Variants in RIMKLA observed in about 807,000 individuals in gnomAD.
The protein encoded by RIMKLA is N-acetylaspartylglutamate synthase A.
A neutral mutation model predicts 32.7 loss-of-function variants in RIMKLA; 14 were observed. The observed-to-expected ratio is 0.43, with a 90% confidence interval of 0.28 to 0.67. The LOEUF is 0.67. RIMKLA is among the 30% of genes least tolerant of loss of function. The pLI is 0.18. For missense variants in RIMKLA, 410 were observed against 519.0 expected (o/e 0.79, Z 2.04); for synonymous variants, 176 against 204.1 (o/e 0.86, Z 1.18).
At chr1:42,409,897 A>T in intron 3 of RIMKLA, 87 bp from the exon 4 acceptor site, 2 of 1,013,350 alleles carry the variant, frequency 2.0e-6, no homozygotes, top group Non-Finnish European at 3.1e-6. Flanking sequence ...GAAAGAACTG[A>T]TGACTTTATG....
At chr1:42,389,155 T>A (rs1293040095) in intron 1 of RIMKLA, among the ~76,000 whole-genome samples, 1 of 152,154 alleles carries the variant, frequency 6.6e-6, no homozygotes, top group African/African-American at 2.4e-5. Flanking sequence ...TATTTGCTGA[T>A]ATGGAAAGGA....
chr1:42,391,538 G>C (rs915945999), intron 1 of RIMKLA, among the ~76,000 whole-genome samples: 1 of 152,136 alleles, frequency 6.6e-6, no homozygotes, highest in Admixed American at 6.6e-5. Flanking sequence ...ACAGGATGCA[G>C]CTTGACTCAG....
rs1241167400 is a variant in RIMKLA, at chr1:42,422,835, A to G, written c.*7861A>G. On this transcript the variant is annotated 3_prime_UTR_variant, in exon 5 of 5. Coordinates refer to ENST00000431473, the MANE Select transcript of RIMKLA (RefSeq NM_173642.4). Reference sequence around the variant, plus strand: ...AACTGTCAAGATGATGGAGGAAAATACTAATGCAGATGGCGTGAGCTTGTC... The same window carrying G: ...AACTGTCAAGATGATGGAGGAAAATGCTAATGCAGATGGCGTGAGCTTGTC... 6.6e-6 allele frequency among the ~76,000 whole-genome samples: 1 copy of G among 152,230 alleles called. No homozygotes were observed. Among genetic ancestry groups the G allele is most frequent in the Non-Finnish European group, 1.5e-5 (1 of 68,038 alleles).
intron 4 of RIMKLA, among the ~76,000 whole-genome samples, chr1:42,413,501 CAAAAAAAAAAAAA>C (rs201462707): frequency 3.4e-4 from 43 of 125,512 alleles, no homozygotes; most frequent in South Asian, 2.8e-4. Context: ...AAGAGTCTCT[CAAAAAAAAAAAAA>C]AAAAAAAAAA....
At chr1:42,388,140 A>G (rs371624517) in intron 1 of RIMKLA, among the ~76,000 whole-genome samples, 1 of 152,166 alleles carries the variant, frequency 6.6e-6, no homozygotes, top group Non-Finnish European at 1.5e-5. Flanking sequence ...AAGCAGATAC[A>G]TAGGGCCTGG....
rs903101413 is a variant in RIMKLA at position 42,380,840 on chromosome 1, C to CCCGGACG, written c.-90_-84dup. 18 of 790,822 alleles carry CCCGGACG rather than the reference C, an allele frequency of 2.3e-5. No individual in the cohort carries two copies. The African/African-American group carries it at 3.4e-4, about 15-fold the overall frequency. 49.0% of individuals were successfully genotyped at this position (790,822 alleles called of 1,614,324 possible). The stretch of plus-strand genomic sequence containing the variant: ...GGGAGCGGAGCCGTGGCGCGCTCGC[C>CCCGGACG]CCGGACGCCGGCCGCCCCTCCGCTC... On this transcript the variant is annotated 5_prime_UTR_variant, in exon 1 of 5. Transcript: ENST00000431473.
intron 1 of RIMKLA, 25 bp from the exon 2 acceptor site, chr1:42,399,379 A>G (rs1189812720): frequency 2.0e-6 from 3 of 1,508,690 alleles, no homozygotes; most frequent in Non-Finnish European, 2.7e-6. Context: ...CAGGCACAGC[A>G]CTCACTGTTG....
At chr1:42,405,924 G>C (rs980630300) in intron 3 of RIMKLA, among the ~76,000 whole-genome samples, 3 of 152,224 alleles carry the variant, frequency 2.0e-5, no homozygotes, top group African/African-American at 7.2e-5. Flanking sequence ...GCATAGATGA[G>C]TCGTGTTGAG....
At position 42,410,100 on chromosome 1, in the gene RIMKLA, A is replaced by G. The variant is rs373051732; in HGVS notation, c.598A>G (p.Ile200Val). 3.2e-5 allele frequency: 51 copies of G among 1,614,104 alleles called. No homozygotes were observed. In the African/African-American group the frequency reaches 5.3e-4, roughly 17 times the overall value. Residue 200 changes from isoleucine (I) to valine (V), a missense_variant, in exon 4 of 5, where the codon ATC (isoleucine) becomes GTC (valine). By Grantham distance (29) the Ile-to-Val change is conservative. Transcript: ENST00000431473. ...CGTGAAGGAGTCCCATGGAAAGGAC[A>G]TCCGGGTGGTGGTGGTAGGGGGCCA... ...KYVKESHGKD[I>V]RVVVVGGQVI... is the part of the protein sequence containing the mutation.
At chr1:42,402,955 T>A (rs1202735698) in intron 2 of RIMKLA, among the ~76,000 whole-genome samples, 1 of 152,134 alleles carries the variant, frequency 6.6e-6, no homozygotes, top group Non-Finnish European at 1.5e-5. Context: ...CAGAACTGTA[T>A]GACAATAGAT....
At chr1:42,401,534 G>A (rs1643097479) in intron 2 of RIMKLA, among the ~76,000 whole-genome samples, 1 of 152,138 alleles carries the variant, frequency 6.6e-6, no homozygotes, top group South Asian at 2.1e-4. Flanking sequence ...CCAACGGAGA[G>A]AGTATTCCAA....
At chr1:42,401,262 C>G (rs1455146731) in intron 2 of RIMKLA, among the ~76,000 whole-genome samples, 4 of 152,164 alleles carry the variant, frequency 2.6e-5, no homozygotes, top group Admixed American at 2.0e-4. Flanking sequence ...TGCTCACCTC[C>G]TGATGTGCCG....
chr1:42,390,515 A>G (rs1403241473), intron 1 of RIMKLA, among the ~76,000 whole-genome samples: 1 of 152,194 alleles, frequency 6.6e-6, no homozygotes, highest in Non-Finnish European at 1.5e-5. Flanking sequence ...GGTCTAAGCT[A>G]GGAGTAAGGA....
chr1:42,403,871 G>C (rs1350075922), intron 2 of RIMKLA, among the ~76,000 whole-genome samples: 1 of 152,174 alleles, frequency 6.6e-6, no homozygotes, highest in Non-Finnish European at 1.5e-5. Flanking sequence ...GATTGTTGAC[G>C]TTCAGTTTCT....
intron 2 of RIMKLA, among the ~76,000 whole-genome samples, chr1:42,401,191 T>C (rs930933401): frequency 6.6e-6 from 1 of 152,052 alleles, no homozygotes; most frequent in African/African-American, 2.4e-5. Flanking sequence ...CCTATGAGAA[T>C]CTAATGCCGC....
Position 42,388,109 on chromosome 1 carries a change from CAG to C in RIMKLA, c.163+7017_163+7018del, listed in dbSNP as rs1045145339. Among the ~76,000 whole-genome samples the C allele has an allele frequency of 3.3e-5, 5 of 152,128 alleles. No individual in the cohort carries two copies. In the South Asian group the frequency reaches 8.3e-4, roughly 25 times the overall value. On this transcript the variant is annotated intron_variant, in intron 1 of 4. Coordinates refer to ENST00000431473, the MANE Select transcript of RIMKLA (RefSeq NM_173642.4). ...AGGGATGAGTATTAGGAGAGGAGGTCAGAGAGGGGAGTGGGGGAAGAAGCAGA... is the reference window on the plus strand; with the variant it reads ...AGGGATGAGTATTAGGAGAGGAGGTCAGAGGGGAGTGGGGGAAGAAGCAGA...
intron 1 of RIMKLA, among the ~76,000 whole-genome samples, chr1:42,381,721 G>A (rs1642890760): frequency 6.6e-6 from 1 of 152,168 alleles, no homozygotes; most frequent in Non-Finnish European, 1.5e-5. Context: ...GGGATTTCAG[G>A]TTCAGACAGT....
intron 4 of RIMKLA, among the ~76,000 whole-genome samples, chr1:42,414,049 C>T (rs1376742179): frequency 6.6e-6 from 1 of 151,764 alleles, no homozygotes; most frequent in Admixed American, 6.6e-5. Context: ...AGTCACTGCA[C>T]CCAGCTGGTA....
At position 42,423,885 on chromosome 1, in the gene RIMKLA, T is replaced by A. The variant is rs951106290; in HGVS notation, c.*8911T>A. 6.6e-6 allele frequency among the ~76,000 whole-genome samples: 1 copy of A among 152,220 alleles called. No individual in the cohort carries two copies. The highest frequency in any genetic ancestry group is 1.5e-5 in the Non-Finnish European group (1 of 68,034). On this transcript the variant is annotated 3_prime_UTR_variant, in exon 5 of 5. Coordinates refer to ENST00000431473, the MANE Select transcript of RIMKLA (RefSeq NM_173642.4). ...ACTAACCTTAGGTCTACTGTACTCT[T>A]GGTGAATCACAGCTCTTTAGAGCTC...
Sources: gnomAD v4.1 joint callset for allele counts (sites outside exome capture counted in the v4.1 genomes callset) on GRCh38, gnomAD v4.1.1 for gene constraint, MANE v1.5 for transcripts, NCBI Gene and HGNC (gene_info 2026-07-23, HGNC 2026-07-21) for gene names.